CERCAM: variants seen among roughly 807,000 people sequenced by gnomAD.
CERCAM encodes the protein inactive glycosyltransferase 25 family member 3.
Under a neutral mutation model 66.0 loss-of-function variants are expected in CERCAM, and 59 were observed. That is an observed-to-expected ratio of 0.89 (90% confidence interval 0.73 to 1.11). The LOEUF is 1.11. CERCAM is among the 50% of genes most tolerant of loss of function. The probability of loss-of-function intolerance (pLI) is 0.00; values close to 1 mark genes in which losing one functional copy is unlikely to be tolerated. For missense variants in CERCAM, 840 were observed against 828.3 expected (o/e 1.01, Z -0.17); for synonymous variants, 318 against 343.6 (o/e 0.93, Z 0.83).
At position 128,422,818 on chromosome 9, in the gene CERCAM, G is replaced by T. The variant is rs1266333524; in HGVS notation, c.198-50G>T. 1.9e-6 allele frequency: 3 copies of T among 1,603,698 alleles called. No homozygotes were observed. The African/African-American group carries it at 4.0e-5, about 21-fold the overall frequency. On this transcript the variant is annotated intron_variant, in intron 1 of 12. Coordinates refer to ENST00000372838, the MANE Select transcript of CERCAM (RefSeq NM_016174.5). The stretch of plus-strand genomic sequence containing the variant: ...GCTTTGGGGTCAAGGCTGCCTTGGG[G>T]TTCAATCCTGTGGCTGTGCCCCCTC...
rs201405772 is a variant in CERCAM, at chr9:128,428,771, A to C, written c.901A>C (p.Met301Leu). The C allele has an allele frequency of 9.9e-6, 16 of 1,613,916 alleles. No individual in the cohort carries two copies. Among genetic ancestry groups the C allele is most frequent in the Non-Finnish European group, 1.4e-5 (16 of 1,179,984 alleles). Reference sequence around the variant, plus strand: ...TCCCTTTGCAGTGGACGGCCCCCGCATGCAGGCCTCAGCTCATGTGACTCG... The same window carrying C: ...TCCCTTTGCAGTGGACGGCCCCCGCCTGCAGGCCTCAGCTCATGTGACTCG... ...ILEALVDGPR[M>L]QASAHVTRPS... is the part of the protein sequence containing the mutation. The change falls in exon 7 of 13, where the codon ATG becomes CTG. Residue 301 changes from methionine to leucine, a missense_variant. By Grantham distance (15) the Met-to-Leu change is conservative (BLOSUM62 2). Coordinates refer to ENST00000372838, the MANE Select transcript of CERCAM (RefSeq NM_016174.5).
At chr9:128,428,127 C>T (rs922496236) in intron 5 of CERCAM, among the ~76,000 whole-genome samples, 175 bp from the exon 6 acceptor site, 1 of 152,114 alleles carries the variant, frequency 6.6e-6, no homozygotes, top group East Asian at 1.9e-4. Flanking sequence ...GTAGAAAGAC[C>T]CCTTAGATAT....
Position 128,428,371 on chromosome 9 carries a change from G to A in CERCAM, c.836G>A (p.Gly279Glu), listed in dbSNP as rs143158025. ...AATGTGCCGGTGAAATCCCACCAGG[G>A]GCTGGAAGACGAGAGGGTCAACTTC... Reference protein sequence around the residue: ...YMNVPVKSHQGLEDERVNFIH... With the variant: ...YMNVPVKSHQELEDERVNFIH... Residue 279 changes from glycine to glutamate, a missense_variant, in exon 6 of 13, where the codon GGG becomes GAG. Physicochemically the swap from Gly to Glu is moderately conservative, Grantham distance 98. Coordinates refer to ENST00000372838, the MANE Select transcript of CERCAM (RefSeq NM_016174.5). The A allele has an allele frequency of 2.4e-4, 394 of 1,614,040 alleles. No homozygotes were observed. The highest frequency in any genetic ancestry group is 3.2e-4 in the Non-Finnish European group (380 of 1,180,026).
chr9:128,435,726 A>G lies in CERCAM; in HGVS notation c.1609A>G (p.Thr537Ala). The change falls in exon 12 of 13, where the codon ACC becomes GCC. Residue 537 changes from threonine (T) to alanine (A), a missense_variant. Physicochemically the swap from Thr to Ala is moderately conservative, Grantham distance 58. Coordinates refer to ENST00000372838, the MANE Select transcript of CERCAM (RefSeq NM_016174.5). ...FSAQPLLAAP[T>A]HYAGDAEWLS... ...CGCCCAGCCCCTGCTCGCTGCCCCTACCCACTATGCCGGGGACGCCGAGTG... is the reference window on the plus strand; with the variant it reads ...CGCCCAGCCCCTGCTCGCTGCCCCTGCCCACTATGCCGGGGACGCCGAGTG... 1 of 1,613,490 alleles carries G rather than the reference A, an allele frequency of 6.2e-7. No homozygotes were observed.
At chr9:128,425,931 C>T (rs546771617) in intron 5 of CERCAM, among the ~76,000 whole-genome samples, 2 of 151,296 alleles carry the variant, frequency 1.3e-5, no homozygotes, top group Admixed American at 6.6e-5. Flanking sequence ...CAGCCTCCCA[C>T]GTAGCTGGGA....
In CERCAM at chr9:128,424,405, C is replaced by A. The variant is rs764721568; in HGVS notation, c.562-5C>A. On this transcript the variant is annotated splice_region_variant and splice_polypyrimidine_tract_variant and intron_variant, in intron 4 of 12. Transcript: ENST00000372838. ...CTCACAGCCCAAAGCATCCCTTTTC[C>A]CCAGGGCTACTACCGCCGCACAGCC... The A allele has an allele frequency of 6.2e-7, 1 of 1,613,964 alleles. No individual in the cohort carries two copies. Among genetic ancestry groups the A allele is most frequent in the Non-Finnish European group, 8.5e-7 (1 of 1,180,012 alleles).
At chr9:128,422,599 G>T (rs993124638) in intron 1 of CERCAM, 3 of 414,644 alleles carry the variant, frequency 7.2e-6, no homozygotes, top group African/African-American at 6.0e-5. Context: ...TCTTATCTTT[G>T]TCCATGACAT....
chr9:128,432,642 C>G (rs1363530433), intron 9 of CERCAM, among the ~76,000 whole-genome samples: 2 of 152,130 alleles, frequency 1.3e-5, no homozygotes, highest in Non-Finnish European at 2.9e-5. Flanking sequence ...CCACCTCAGC[C>G]TCCAAAAGTG....
Position 128,434,233 on chromosome 9 carries a change from G to A in CERCAM, c.1331+4G>A, listed in dbSNP as rs1482719471. 2.5e-6 allele frequency: 4 copies of A among 1,613,874 alleles called. No homozygotes were observed. Among genetic ancestry groups the A allele is most frequent in the Non-Finnish European group, 2.5e-6 (3 of 1,179,972 alleles). On this transcript the variant is annotated splice_donor_region_variant and intron_variant, in intron 10 of 12. Transcript: ENST00000372838. This position sits in a 1 kb window ranked among gnomAD's most constrained non-coding sequence, Gnocchi z 4.5. Reference sequence around the variant, plus strand: ...AGAAACTGTCTTGGGACCTGATGTAGGCAGCCTGCACCCTCAGGGACAAGG... The same window carrying A: ...AGAAACTGTCTTGGGACCTGATGTAAGCAGCCTGCACCCTCAGGGACAAGG...
Position 128,434,398 on chromosome 9 carries a change from T to G in CERCAM, c.1332-12T>G. ...CCTAAGTGACTCCTGGGCCCCTTGG[T>G]GTCACTTACAGCTACCTCGGACGGA... On this transcript the variant is annotated splice_polypyrimidine_tract_variant and intron_variant, in intron 10 of 12. Coordinates refer to ENST00000372838, the MANE Select transcript of CERCAM (RefSeq NM_016174.5). The surrounding 1 kb of genome is among the most constrained non-coding windows in gnomAD (Gnocchi z 4.5). 6.2e-7 allele frequency: 1 copy of G among 1,613,474 alleles called. No homozygotes were observed. The highest frequency in any genetic ancestry group is 1.3e-5 in the African/African-American group (1 of 74,966).
Position 128,422,951 on chromosome 9 carries a change from T to C in CERCAM, c.281T>C (p.Val94Ala). The change falls in exon 2 of 13, where the codon GTG becomes GCG. Residue 94 changes from valine to alanine, a missense_variant. Val to Ala is a moderately conservative substitution (Grantham distance 64). Transcript: ENST00000372838. ...GCTGTGGGCGATGACTATGCTGCTG[T>C]GGTCTGGAGGCCTGAGGGCGAGCCC... The part of the protein sequence containing the change: ...LAAVGDDYAA[V>A]VWRPEGEPRF... 1 of 1,613,634 alleles carries C rather than the reference T, an allele frequency of 6.2e-7. No individual in the cohort carries two copies. The highest frequency in any genetic ancestry group is 8.5e-7 in the Non-Finnish European group (1 of 1,179,950).
intron 8 of CERCAM, 22 bp downstream of exon 8, chr9:128,429,058 G>C (rs376068719): frequency 1.5e-5 from 23 of 1,551,302 alleles, no homozygotes; most frequent in African/African-American, 2.7e-5. Context: ...TGGTGGGGGG[G>C]GCCCTGTGCG....
In CERCAM at chr9:128,424,351, G is replaced by A. The variant is rs1025587320; in HGVS notation, c.562-59G>A. On this transcript the variant is annotated intron_variant, in intron 4 of 12. Coordinates refer to ENST00000372838, the MANE Select transcript of CERCAM (RefSeq NM_016174.5). ...GGAGAGCAGAGAGCCTGAGGCCTTG[G>A]GGTCTGTGGGCAGGGGCAGGGGAGC... 5.0e-6 allele frequency: 8 copies of A among 1,612,362 alleles called. No individual in the cohort carries two copies. The African/African-American group carries it at 9.4e-5, about 19-fold the overall frequency.
intron 1 of CERCAM, chr9:128,422,508 C>T (rs761517130): frequency 2.2e-5 from 4 of 179,960 alleles, no homozygotes; most frequent in Middle Eastern, 2.5e-3. Flanking sequence ...GCGGAGGTTG[C>T]AGTGAGTCGA....
At chr9:128,427,302 G>C (rs1833867188) in intron 5 of CERCAM, among the ~76,000 whole-genome samples, 1 of 151,868 alleles carries the variant, frequency 6.6e-6, no homozygotes, top group Non-Finnish European at 1.5e-5. Flanking sequence ...TAGTAGAGAT[G>C]GGGTTTCACC....
At chr9:128,421,356 C>T in intron 1 of CERCAM, 1 of 1,177,042 alleles carries the variant, frequency 8.5e-7, no homozygotes, top group Non-Finnish European at 1.0e-6. Context: ...GTAGGTTGGG[C>T]CCAGCCAGCC....
At position 128,434,693 on chromosome 9, in the gene CERCAM, C is replaced by A; in HGVS notation, c.1535+80C>A. On this transcript the variant is annotated intron_variant, in intron 11 of 12. Coordinates refer to ENST00000372838, the MANE Select transcript of CERCAM (RefSeq NM_016174.5). This position sits in a 1 kb window ranked among gnomAD's most constrained non-coding sequence, Gnocchi z 4.5. Reference sequence around the variant, plus strand: ...CTCACCTCAGTCAGCAGGAAGTCCCCTCACCTGGCAGATGGGGAGACTGGG... The same window carrying A: ...CTCACCTCAGTCAGCAGGAAGTCCCATCACCTGGCAGATGGGGAGACTGGG... 1 of 1,400,758 alleles carries A rather than the reference C, an allele frequency of 7.1e-7. No individual in the cohort carries two copies. 86.8% of individuals were successfully genotyped at this position (1,400,758 alleles called of 1,614,324 possible).
chr9:128,435,604 G>A (rs554273376), intron 11 of CERCAM, 49 bp from the exon 12 acceptor site: 4 of 1,539,570 alleles, frequency 2.6e-6, no homozygotes, highest in African/African-American at 1.4e-5. Flanking sequence ...ATGTGTCCGG[G>A]GAGTAGGGGC....
rs756658692 is a variant in CERCAM, at chr9:128,434,275, C to T, written c.1331+46C>T. The T allele has an allele frequency of 2.1e-5, 34 of 1,609,982 alleles. No homozygotes were observed. The highest frequency in any genetic ancestry group is 1.7e-4 in the Middle Eastern group (1 of 6,044). On this transcript the variant is annotated intron_variant, in intron 10 of 12. Transcript: ENST00000372838. This position sits in a 1 kb window ranked among gnomAD's most constrained non-coding sequence, Gnocchi z 4.5. ...GGGACAAGGGGGCAGGGTGGGCCTC[C>T]GGAGTCTGCCTTTTCCTGCTTGGGA...
Sources: allele counts gnomAD v4.1 joint callset (sites outside exome capture counted in the v4.1 genomes callset), GRCh38; gene constraint gnomAD v4.1.1; non-coding constraint Gnocchi (gnomAD v3.1); transcripts MANE v1.5; gene names NCBI Gene and HGNC (gene_info 2026-07-23, HGNC 2026-07-21).